The following IGF2BP2 variants were observed in gnomAD, a reference collection of about 807,000 sequenced individuals.
The protein encoded by IGF2BP2 is insulin like growth factor 2 mRNA binding protein 2.
A neutral mutation model predicts 75.8 loss-of-function variants in IGF2BP2; 17 were observed. The ratio of observed to expected loss-of-function variants is 0.22; its 90% CI spans 0.15 to 0.34. The LOEUF (loss-of-function observed/expected upper bound fraction) is 0.34. Among genes scored for constraint, IGF2BP2 ranks in the 10% least tolerant of loss-of-function variants. The pLI, the probability that IGF2BP2 is intolerant of heterozygous loss-of-function variation, is 1.00. For missense variants in IGF2BP2, 516 were observed against 772.4 expected, an observed-to-expected ratio of 0.67 and a Z score of 3.93; for synonymous variants, 288 against 295.6, an observed-to-expected ratio of 0.97 and a Z score of 0.26.
intron 10 of IGF2BP2, among the ~76,000 whole-genome samples, chr3:185,665,489 A>C (rs1295519927): frequency 1.2e-5 from 1 of 81,500 alleles, no homozygotes; most frequent in East Asian, 2.6e-4. Flanking sequence ...AAGAAGGAGG[A>C]GAAGGAGGAG....
chr3:185,778,288 G>A (rs1734777314), intron 2 of IGF2BP2, among the ~76,000 whole-genome samples: 2 of 152,010 alleles, frequency 1.3e-5, no homozygotes, highest in Admixed American at 1.3e-4. Context: ...CTCAGACAGG[G>A]ACAACTTAGA....
chr3:185,681,573 T>C (rs112356981), intron 7 of IGF2BP2, among the ~76,000 whole-genome samples: 137 of 152,260 alleles, frequency 9.0e-4, no homozygotes, highest in Non-Finnish European at 1.7e-3. Flanking sequence ...TTTGAAGAAA[T>C]AGAAAAATTC....
At chr3:185,731,206 G>A (rs1032140883) in intron 2 of IGF2BP2, among the ~76,000 whole-genome samples, 1 of 151,602 alleles carries the variant, frequency 6.6e-6, no homozygotes, top group Non-Finnish European at 1.5e-5. Flanking sequence ...AACCTAGAAG[G>A]AGAGAAGACA....
chr3:185,820,179 C>T lies in IGF2BP2; in HGVS notation c.239+2974G>A, dbSNP rs546118465. ...CAAAAGCACATTCAAGTTAGCATGT[C>T]TTAGTTCAAAACAAGGCATGCAGTA... On this transcript the variant is annotated intron_variant, in intron 2 of 15. Coordinates refer to ENST00000382199, the MANE Select transcript of IGF2BP2 (RefSeq NM_006548.6). Among the ~76,000 whole-genome samples, 8 of 150,562 alleles carry T rather than the reference C, an allele frequency of 5.3e-5. No individual in the cohort carries two copies. The South Asian group carries it at 1.7e-3, about 32-fold the overall frequency.
chr3:185,645,295 T>C lies in IGF2BP2; in HGVS notation c.*236A>G. On this transcript the variant is annotated 3_prime_UTR_variant, in exon 16 of 16. Coordinates refer to ENST00000382199, the MANE Select transcript of IGF2BP2 (RefSeq NM_006548.6). The surrounding 1 kb of genome is among the most constrained non-coding windows in gnomAD (Gnocchi z 4.9). ...GGATGGCTGAAGCCTGCAGAAGCCCTGGGGGGCGGGAGGCGGGGCTCGGTG... is the reference window on the plus strand; with the variant it reads ...GGATGGCTGAAGCCTGCAGAAGCCCCGGGGGGCGGGAGGCGGGGCTCGGTG... 1 of 549,754 alleles carries C rather than the reference T, an allele frequency of 1.8e-6. No individual in the cohort carries two copies. Among genetic ancestry groups the C allele is most frequent in the Non-Finnish European group, 3.2e-6 (1 of 308,140 alleles). The allele number at this position is 549,754 out of a possible 1,614,324, so 34.1% of individuals were successfully genotyped here. A position where few individuals can be genotyped will look rare whatever the true frequency, so the allele number is the denominator to read the frequency against.
intron 2 of IGF2BP2, among the ~76,000 whole-genome samples, chr3:185,732,232 C>A (rs956371293): frequency 3.3e-5 from 5 of 152,146 alleles, no homozygotes; most frequent in African/African-American, 1.2e-4. Context: ...GCCTTGAAAG[C>A]TAGAATTTTT....
chr3:185,718,688 A>AG (rs1180383033), intron 2 of IGF2BP2, among the ~76,000 whole-genome samples: 2 of 148,414 alleles, frequency 1.3e-5, no homozygotes, highest in Non-Finnish European at 3.0e-5. Flanking sequence ...CTGTCTCAAA[A>AG]AAAAAAAAAA....
In IGF2BP2 at chr3:185,797,528, C is replaced by G. The variant is rs543417861; in HGVS notation, c.239+25625G>C. On this transcript the variant is annotated intron_variant, in intron 2 of 15. Transcript: ENST00000382199. Reference sequence around the variant, plus strand: ...TTAAGAGCAGAGTTTGCTGGCTTCACTCTTTCACCTTTATTTCAGCTGACA... The same window carrying G: ...TTAAGAGCAGAGTTTGCTGGCTTCAGTCTTTCACCTTTATTTCAGCTGACA... 1.3e-4 allele frequency among the ~76,000 whole-genome samples: 20 copies of G among 152,354 alleles called. No homozygotes were observed. In the South Asian group the frequency reaches 3.5e-3, roughly 27 times the overall value.
chr3:185,651,434 C>A (rs1010315266), intron 13 of IGF2BP2, among the ~76,000 whole-genome samples: 4 of 152,090 alleles, frequency 2.6e-5, no homozygotes, highest in Non-Finnish European at 4.4e-5. Flanking sequence ...TCTCAAACTC[C>A]TGGGCTCAAG....
chr3:185,720,551 G>A (rs1726374534), intron 2 of IGF2BP2, among the ~76,000 whole-genome samples: 1 of 152,178 alleles, frequency 6.6e-6, no homozygotes, highest in South Asian at 2.1e-4. Context: ...AGCCAGGGGA[G>A]CCCTCTAGCA....
At chr3:185,652,220 CCT>C (rs754975028) in intron 12 of IGF2BP2, 52 bp from the exon 13 acceptor site, 25 of 1,488,256 alleles carry the variant, frequency 1.7e-5, no homozygotes, top group African/African-American at 8.3e-5. Flanking sequence ...TTCCCCAGCC[CCT>C]CTTTCTTGTC....
At chr3:185,729,104 C>CTTTTT in intron 2 of IGF2BP2, among the ~76,000 whole-genome samples, 1 of 146,984 alleles carries the variant, frequency 6.8e-6, no homozygotes, top group African/African-American at 2.5e-5. Flanking sequence ...AAGATTACTG[C>CTTTTT]TTTTTTTTTT....
At chr3:185,721,448 C>T (rs1181056079) in intron 2 of IGF2BP2, among the ~76,000 whole-genome samples, 4 of 152,040 alleles carry the variant, frequency 2.6e-5, no homozygotes, top group Non-Finnish European at 5.9e-5. Flanking sequence ...GTGATCCGCC[C>T]GCCTCGGCCT....
In IGF2BP2 at chr3:185,672,569, G is replaced by C; in HGVS notation, c.1172C>G (p.Pro391Arg). 6.2e-7 allele frequency: 1 copy of C among 1,613,160 alleles called. No homozygotes were observed. Among genetic ancestry groups the C allele is most frequent in the Non-Finnish European group, 8.5e-7 (1 of 1,179,490 alleles). ...GAAGGGGTGGTAGGGGGCAGCGGGG[G>C]GAGCTCCGCGGGGCCCTGCTGGTGG... ...LSPPAGPRGA[P>R]PAAPYHPFTT... The change falls in exon 10 of 16, where the codon CCC becomes CGC. Residue 391 changes from proline to arginine, a missense_variant. Pro to Arg is a moderately radical substitution (Grantham distance 103). Transcript: ENST00000382199.
chr3:185,652,253 C>T (rs969577225), intron 12 of IGF2BP2, 85 bp from the exon 13 acceptor site: 2 of 1,155,146 alleles, frequency 1.7e-6, no homozygotes, highest in Non-Finnish European at 1.2e-6. Flanking sequence ...GCAAGCATAC[C>T]AGCAGGAGGT....
chr3:185,703,844 G>C (rs1723643287), intron 2 of IGF2BP2, among the ~76,000 whole-genome samples: 1 of 152,170 alleles, frequency 6.6e-6, no homozygotes, highest in Non-Finnish European at 1.5e-5. Context: ...TAATGCCATA[G>C]TTTTCAGGCA....
At chr3:185,824,398 G>A (rs1260273406) in intron 1 of IGF2BP2, among the ~76,000 whole-genome samples, 2 of 147,738 alleles carry the variant, frequency 1.4e-5, no homozygotes, top group African/African-American at 2.5e-5. Flanking sequence ...CCTGACAAAG[G>A]GGGTGACAGG....
At chr3:185,811,872 CTCTCT>C (rs1739922982) in intron 2 of IGF2BP2, among the ~76,000 whole-genome samples, 2 of 53,470 alleles carry the variant, frequency 3.7e-5, no homozygotes, top group Non-Finnish European at 6.2e-5. Flanking sequence ...CTCTCTCTCT[CTCTCT>C]CCCCCTCTCC....
intron 2 of IGF2BP2, among the ~76,000 whole-genome samples, chr3:185,803,085 G>T (rs143464589): frequency 0.013 from 1,928 of 152,328 alleles, 17 homozygotes; most frequent in Non-Finnish European, 0.021. Context: ...GGGCGTGGTG[G>T]CTCACGCCTG....
Sources: allele counts gnomAD v4.1 joint callset (sites outside exome capture counted in the v4.1 genomes callset), GRCh38; gene constraint gnomAD v4.1.1; non-coding constraint Gnocchi (gnomAD v3.1); transcripts MANE v1.5; gene names NCBI Gene and HGNC (gene_info 2026-07-23, HGNC 2026-07-21).